The following RBFOX1 variants were observed in gnomAD, a reference collection of about 807,000 sequenced individuals.
The protein encoded by RBFOX1 is RNA binding protein fox-1 homolog 1.
RBFOX1 carries 8 observed loss-of-function variants against 57.7 expected under a neutral mutation model. That is an observed-to-expected ratio of 0.14 (90% CI 0.08 to 0.25). The LOEUF (loss-of-function observed/expected upper bound fraction) is 0.25. Ranked by LOEUF, RBFOX1 falls within the 10% of genes least tolerant of loss-of-function variation. The pLI, the probability that RBFOX1 is intolerant of heterozygous loss-of-function variation, is 1.00. For synonymous variants in RBFOX1, 326 were observed against 222.4 expected (o/e 1.47, Z -4.15); for missense variants, 611 against 548.5 (o/e 1.11, Z -1.14).
intron 1 of RBFOX1, among the ~76,000 whole-genome samples, chr16:6,313,499 C>A (rs1181837550): frequency 6.6e-6 from 1 of 152,072 alleles, no homozygotes; most frequent in Non-Finnish European, 1.5e-5. Context: ...TTTAGAGAGT[C>A]AGAGTTAGAA....
chr16:6,965,033 C>T (rs974878693), intron 3 of RBFOX1, among the ~76,000 whole-genome samples: 1 of 152,062 alleles, frequency 6.6e-6, no homozygotes, highest in East Asian at 1.9e-4. Context: ...GCTTTATTAT[C>T]TCTAGGTTCT....
chr16:6,522,651 T>A (rs2096524355), intron 2 of RBFOX1, among the ~76,000 whole-genome samples: 1 of 152,188 alleles, frequency 6.6e-6, no homozygotes, highest in Non-Finnish European at 1.5e-5. Flanking sequence ...GTACCGGGGT[T>A]AATACTAATA....
chr16:6,888,583 G>A (rs996440107), intron 3 of RBFOX1, among the ~76,000 whole-genome samples: 2 of 151,944 alleles, frequency 1.3e-5, no homozygotes, highest in South Asian at 2.1e-4. Context: ...TATTGTGTCC[G>A]TAGGGTTAGA....
intron 4 of RBFOX1, among the ~76,000 whole-genome samples, chr16:7,167,208 A>C (rs953732303): frequency 1.3e-5 from 2 of 150,522 alleles, no homozygotes; most frequent in Admixed American, 6.6e-5. Flanking sequence ...CTGGTCTCAA[A>C]CTCCTGACCT....
At chr16:5,879,158 G>A (rs1382379396) in intron 4 of RBFOX1, among the ~76,000 whole-genome samples, 4 of 152,172 alleles carry the variant, frequency 2.6e-5, no homozygotes, top group Non-Finnish European at 4.4e-5. Flanking sequence ...AGAGAATGCT[G>A]TATGGAAACG....
At chr16:5,456,859 A>T (rs866822091) in intron 1 of RBFOX1, among the ~76,000 whole-genome samples, 2 of 152,134 alleles carry the variant, frequency 1.3e-5, no homozygotes, top group African/African-American at 4.8e-5. Flanking sequence ...CCTTGCCTCA[A>T]GCCACTCCCC....
chr16:5,662,560 C>T lies in RBFOX1; in HGVS notation c.318+63599C>T, dbSNP rs1330816942. ...CCTGAAAGAGTTCTGGGGACCTGGA[C>T]CACACTTTGAGAATTACTGACCTGG... On this transcript the variant is annotated intron_variant, in intron 3 of 19. Transcript: ENST00000641259. 2.0e-5 allele frequency among the ~76,000 whole-genome samples: 3 copies of T among 152,118 alleles called. No individual in the cohort carries two copies. The East Asian group carries it at 5.8e-4, about 29-fold the overall frequency.
chr16:5,897,834 C>CTT (rs59833852), intron 4 of RBFOX1, among the ~76,000 whole-genome samples: 8,310 of 140,536 alleles, frequency 0.059, 286 homozygotes, highest in African/African-American at 0.089. Flanking sequence ...TTTAACTTCT[C>CTT]TTTTTTTTTT....
intron 4 of RBFOX1, among the ~76,000 whole-genome samples, chr16:7,181,831 G>A (rs1326841458): frequency 1.3e-5 from 2 of 152,158 alleles, no homozygotes; most frequent in Non-Finnish European, 2.9e-5. Flanking sequence ...AAAGTGCTAG[G>A]ATTAAAGGTG....
intron 1 of RBFOX1, among the ~76,000 whole-genome samples, chr16:5,285,981 G>A (rs558924541): frequency 2.6e-5 from 4 of 151,954 alleles, no homozygotes; most frequent in African/African-American, 9.7e-5. Flanking sequence ...CATGTTGGCC[G>A]GGCTGGTCTC....
chr16:7,671,010 T>C (rs1277784323), intron 13 of RBFOX1, among the ~76,000 whole-genome samples: 1 of 152,204 alleles, frequency 6.6e-6, no homozygotes, highest in Non-Finnish European at 1.5e-5. Context: ...TTCTCTAGTC[T>C]GAAAGTATTA....
rs535988748 is a variant in RBFOX1, at chr16:7,703,873, C to A, written c.996-5183C>A. Among the ~76,000 whole-genome samples the A allele has an allele frequency of 6.8e-4, 104 of 152,264 alleles. No individual in the cohort carries two copies. In the South Asian group the frequency reaches 0.021, roughly 31 times the overall value. On this transcript the variant is annotated intron_variant, in intron 14 of 15. Transcript: ENST00000550418. Reference sequence around the variant, plus strand: ...AGCATCTGTAATTTGATCGGTAGAGCTGCATGTGATTATATTAGAATGGAA... The same window carrying A: ...AGCATCTGTAATTTGATCGGTAGAGATGCATGTGATTATATTAGAATGGAA...
chr16:6,466,308 T>C lies in RBFOX1; in HGVS notation c.-64+149251T>C, dbSNP rs117609916. 5.8e-3 allele frequency among the ~76,000 whole-genome samples: 875 copies of C among 152,166 alleles called. 31 individuals carry two copies. In the East Asian group the frequency reaches 0.12, roughly 21 times the overall value. ...TAATATTCTTGACTGCATCTTAACA[T>C]CATTGGTTTGTTTTTCAAATATTGT... On this transcript the variant is annotated intron_variant, in intron 2 of 15. Transcript: ENST00000550418.
chr16:5,254,115 G>C lies in RBFOX1; in HGVS notation c.219+14010G>C, dbSNP rs192226366. 2.0e-3 allele frequency among the ~76,000 whole-genome samples: 310 copies of C among 152,300 alleles called. 1 individual carries two copies. Among genetic ancestry groups the C allele is most frequent in the African/African-American group, 7.1e-3 (296 of 41,560 alleles). The stretch of plus-strand genomic sequence containing the variant: ...TTTGTGTCTCTAGTGTTTAGTATAT[G>C]CTCACCTAGAATTTGATTAATAAAA... On this transcript the variant is annotated intron_variant, in intron 1 of 2. Coordinates refer to the RBFOX1 transcript ENST00000585867.
chr16:7,454,038 G>A (rs1006858343), intron 4 of RBFOX1, among the ~76,000 whole-genome samples: 9 of 152,196 alleles, frequency 5.9e-5, no homozygotes, highest in African/African-American at 1.9e-4. Context: ...TTCCAGACCA[G>A]CCTCACCAAC....
intron 4 of RBFOX1, among the ~76,000 whole-genome samples, chr16:6,002,063 T>C (rs970344683): frequency 8.6e-5 from 13 of 151,656 alleles, no homozygotes; most frequent in African/African-American, 3.2e-4. Context: ...CTTCAAACTC[T>C]TGGGCTCAAG....
intron 1 of RBFOX1, among the ~76,000 whole-genome samples, chr16:6,174,349 C>T (rs1016533107): frequency 2.0e-5 from 3 of 152,194 alleles, no homozygotes; most frequent in Non-Finnish European, 4.4e-5. Context: ...CATCTGAACA[C>T]TTTGGGAGGC....
rs551718618 is a variant in RBFOX1 at position 6,148,108 on chromosome 16, C to T, written c.-127+128116C>T. The stretch of plus-strand genomic sequence containing the variant: ...CTTCGGGAGGCCGAGGCGGGTGGAT[C>T]ACCTGAGGTCAGGAGTTCGACACCA... On this transcript the variant is annotated intron_variant, in intron 1 of 15. Coordinates refer to ENST00000550418, the MANE Select transcript of RBFOX1 (RefSeq NM_018723.4). Among the ~76,000 whole-genome samples, 118 of 152,340 alleles carry T rather than the reference C, an allele frequency of 7.7e-4. 3 individuals are homozygous for T. In the South Asian group the frequency reaches 0.024, roughly 31 times the overall value.
At chr16:7,306,724 T>C (rs2096197748) in intron 4 of RBFOX1, among the ~76,000 whole-genome samples, 1 of 152,158 alleles carries the variant, frequency 6.6e-6, no homozygotes, top group African/African-American at 2.4e-5. Context: ...AGGGTGTAAG[T>C]GATATACCTG....
Sources: allele counts gnomAD v4.1 joint callset (sites outside exome capture counted in the v4.1 genomes callset), GRCh38; gene constraint gnomAD v4.1.1; transcripts MANE v1.5; gene names NCBI Gene and HGNC (gene_info 2026-07-23, HGNC 2026-07-21).